SPRING1: variants seen among roughly 807,000 people sequenced by gnomAD.
The protein encoded by SPRING1 is SREBP regulating gene protein.
A neutral mutation model predicts 24.7 loss-of-function variants in SPRING1; 14 were observed. That is an observed-to-expected ratio of 0.57 (90% CI 0.37 to 0.88). The LOEUF (loss-of-function observed/expected upper bound fraction) is 0.88. Ranked by LOEUF, SPRING1 falls within the 40% of genes least tolerant of loss-of-function variation. The probability of loss-of-function intolerance (pLI) is 0.00; values close to 1 mark genes in which losing one functional copy is unlikely to be tolerated. For missense variants in SPRING1, 255 were observed against 268.4 expected (o/e 0.95, Z 0.35); for synonymous variants, 93 against 106.1 (o/e 0.88, Z 0.76).
At position 116,717,949 on chromosome 12, in the gene SPRING1, T is replaced by C; in HGVS notation, c.535-56A>G. On this transcript the variant is annotated intron_variant, in intron 4 of 4. Transcript: ENST00000261318. The surrounding 1 kb of genome is among the most constrained non-coding windows in gnomAD (Gnocchi z 4.2). ...GAGAGCGAGCACAGCTTCACACACC[T>C]CCCTCTCGGAAGAGTGAGAGTGGAT... The C allele has an allele frequency of 1.5e-6, 2 of 1,375,528 alleles. No individual in the cohort carries two copies. Among genetic ancestry groups the C allele is most frequent in the Non-Finnish European group, 2.0e-6 (2 of 1,011,482 alleles). 85.2% of individuals were successfully genotyped at this position (1,375,528 alleles called of 1,614,324 possible). A position where few individuals can be genotyped will look rare whatever the true frequency, so the allele number is the denominator to read the frequency against.
intron 1 of SPRING1, 98 bp from the exon 2 acceptor site, chr12:116,723,321 C>A: frequency 7.2e-7 from 1 of 1,392,516 alleles, no homozygotes; most frequent in South Asian, 1.4e-5. Flanking sequence ...GACAGAAATA[C>A]TATAAAAGGC....
At chr12:116,733,213 G>A (rs913514654) in intron 1 of SPRING1, among the ~76,000 whole-genome samples, 4 of 151,964 alleles carry the variant, frequency 2.6e-5, no homozygotes. Context: ...CTGAGACGGA[G>A]TCTCTGTCGC....
In SPRING1 at chr12:116,719,965, G is replaced by T. The variant is rs548873580; in HGVS notation, c.421-89C>A. On this transcript the variant is annotated intron_variant, in intron 3 of 4. Transcript: ENST00000261318. ...ATCTCTCCTAAACTAAGAGAATGCT[G>T]ATACAGGGAAGGGGGGAAGAGGAGG... The T allele has an allele frequency of 9.6e-6, 11 of 1,144,546 alleles. No individual in the cohort carries two copies. The African/African-American group carries it at 1.5e-4, about 16-fold the overall frequency. The allele number at this position is 1,144,546 out of a possible 1,614,324, so 70.9% of individuals were successfully genotyped here.
intron 1 of SPRING1, among the ~76,000 whole-genome samples, chr12:116,732,456 C>G (rs1168103578): frequency 6.6e-6 from 1 of 152,122 alleles, no homozygotes; most frequent in East Asian, 1.9e-4. Context: ...GCCTGTAATC[C>G]CAGCACTTTG....
chr12:116,736,288 G>A (rs1435235881), intron 1 of SPRING1, among the ~76,000 whole-genome samples: 3 of 152,114 alleles, frequency 2.0e-5, no homozygotes, highest in Admixed American at 6.5e-5. Context: ...GGCAGAGGAC[G>A]GAGTCCTGGC....
intron 1 of SPRING1, among the ~76,000 whole-genome samples, chr12:116,734,330 G>A (rs1871128412): frequency 6.6e-6 from 1 of 152,204 alleles, no homozygotes; most frequent in Non-Finnish European, 1.5e-5. Flanking sequence ...AATAGGCTAT[G>A]CCACATAGCC....
At chr12:116,732,947 A>G in intron 1 of SPRING1, among the ~76,000 whole-genome samples, 1 of 152,222 alleles carries the variant, frequency 6.6e-6, no homozygotes, top group Non-Finnish European at 1.5e-5. Flanking sequence ...AGGACATGAT[A>G]AGGCCACTTC....
intron 1 of SPRING1, among the ~76,000 whole-genome samples, chr12:116,730,660 CAT>C (rs1870930382): frequency 6.6e-6 from 1 of 152,162 alleles, no homozygotes; most frequent in Non-Finnish European, 1.5e-5. Context: ...TGTTCAGATC[CAT>C]GAGTCTGTGT....
rs1375574586 is a variant in SPRING1 at position 116,728,824 on chromosome 12, G to C, written c.112-5601C>G. 6.6e-6 allele frequency among the ~76,000 whole-genome samples: 1 copy of C among 152,220 alleles called. No homozygotes were observed. Among genetic ancestry groups the C allele is most frequent in the African/African-American group, 2.4e-5 (1 of 41,462 alleles). ...CACCCAAACTGAGGCCAGCTGAGCAGGGACGGCCAAGTCAGACGCATGCAG... is the reference window on the plus strand; with the variant it reads ...CACCCAAACTGAGGCCAGCTGAGCACGGACGGCCAAGTCAGACGCATGCAG... On this transcript the variant is annotated intron_variant, in intron 1 of 4. Coordinates refer to ENST00000261318, the MANE Select transcript of SPRING1 (RefSeq NM_024738.4). This position sits in a 1 kb window ranked among gnomAD's most constrained non-coding sequence, Gnocchi z 4.2.
intron 4 of SPRING1, among the ~76,000 whole-genome samples, chr12:116,718,920 T>G (rs978232648): frequency 6.6e-6 from 1 of 152,210 alleles, no homozygotes; most frequent in Non-Finnish European, 1.5e-5. Flanking sequence ...TACTGAATGC[T>G]CGCAGAACAA....
chr12:116,734,771 G>A (rs1458888059), intron 1 of SPRING1, among the ~76,000 whole-genome samples: 1 of 152,218 alleles, frequency 6.6e-6, no homozygotes, highest in South Asian at 2.1e-4. Flanking sequence ...GCAAGGAATT[G>A]AAGTAATTTA....
At chr12:116,725,745 G>C (rs2137037965) in intron 1 of SPRING1, among the ~76,000 whole-genome samples, 1 of 152,188 alleles carries the variant, frequency 6.6e-6, no homozygotes, top group East Asian at 1.9e-4. Context: ...AATTAGCTGG[G>C]CGTGGTGGCG....
chr12:116,721,867 C>T (rs1566057496), intron 2 of SPRING1, among the ~76,000 whole-genome samples: 1 of 152,014 alleles, frequency 6.6e-6, no homozygotes, highest in Admixed American at 6.6e-5. Flanking sequence ...CTCAGGCATC[C>T]TTTTTTTTCC....
At chr12:116,737,536 AAGGTGAG>A (rs1871308057) in intron 1 of SPRING1, among the ~76,000 whole-genome samples, 1 of 8,166 alleles carries the variant, frequency 1.2e-4, no homozygotes, top group South Asian at 4.3e-3. Flanking sequence ...AAGGAGGAGG[AAGGTGAG>A]GAAGGTAAGG....
chr12:116,731,287 T>C (rs1870963718), intron 1 of SPRING1, among the ~76,000 whole-genome samples: 1 of 152,202 alleles, frequency 6.6e-6, no homozygotes, highest in Non-Finnish European at 1.5e-5. Flanking sequence ...TGACCCCCCA[T>C]GACTTCTGCA....
At chr12:116,726,813 T>C (rs1019947235) in intron 1 of SPRING1, among the ~76,000 whole-genome samples, 6 of 152,178 alleles carry the variant, frequency 3.9e-5, no homozygotes, top group African/African-American at 1.4e-4. Flanking sequence ...GCTCTTAACA[T>C]TACTCCCACG....
intron 4 of SPRING1, 79 bp downstream of exon 4, chr12:116,719,684 G>A (rs1236136012): frequency 2.5e-6 from 3 of 1,212,880 alleles, no homozygotes; most frequent in Non-Finnish European, 3.6e-6. Context: ...CCACCAAAAG[G>A]ATCGACAGTG....
In SPRING1 at chr12:116,719,929, T is replaced by A. The variant is rs1870341180; in HGVS notation, c.421-53A>T. 5 of 1,473,678 alleles carry A rather than the reference T, an allele frequency of 3.4e-6. No homozygotes were observed. In the South Asian group the frequency reaches 5.7e-5, roughly 17 times the overall value. The allele number at this position is 1,473,678 out of a possible 1,614,324, so 91.3% of individuals were successfully genotyped here. A position where few individuals can be genotyped will look rare whatever the true frequency, so the allele number is the denominator to read the frequency against. ...ATAAATTACCTAAGCCAGCACAAGG[T>A]GACCTTGGCTATCTCTCCTAAACTA... On this transcript the variant is annotated intron_variant, in intron 3 of 4. Coordinates refer to ENST00000261318, the MANE Select transcript of SPRING1 (RefSeq NM_024738.4).
Position 116,713,336 on chromosome 12 carries a change from T to C in SPRING1, c.*4474A>G, listed in dbSNP as rs1869953839. The C allele has an allele frequency of 6.6e-6, 1 of 152,202 alleles. No individual in the cohort carries two copies. The highest frequency in any genetic ancestry group is 1.5e-5 in the Non-Finnish European group (1 of 68,038). The allele number at this position is 152,202 out of a possible 1,614,324, so 9.4% of individuals were successfully genotyped here. On this transcript the variant is annotated 3_prime_UTR_variant, in exon 5 of 5. Coordinates refer to ENST00000261318, the MANE Select transcript of SPRING1 (RefSeq NM_024738.4). The stretch of plus-strand genomic sequence containing the variant: ...GACAAAGGCTGCTTTCATATAAAAA[T>C]GTACTGTAGTAATCAGTAAGAAAAA...
Sources: gnomAD v4.1 joint callset for allele counts (sites outside exome capture counted in the v4.1 genomes callset) on GRCh38, gnomAD v4.1.1 for gene constraint, Gnocchi (gnomAD v3.1) non-coding constraint, MANE v1.5 for transcripts, NCBI Gene and HGNC (gene_info 2026-07-23, HGNC 2026-07-21) for gene names.